IL7: variants seen among roughly 807,000 people sequenced by gnomAD.
IL7 encodes interleukin-7.
Under a neutral mutation model 21.6 loss-of-function variants are expected in IL7, and 3 were observed. The observed-to-expected ratio is 0.14, with a 90% CI of 0.06 to 0.36. IL7 has a LOEUF of 0.36. IL7 is among the 10% of genes least tolerant of loss of function. The pLI is 1.00. For synonymous variants in IL7, 62 were observed against 68.1 expected (o/e 0.91, Z 0.44); for missense variants, 175 against 200.2 (o/e 0.87, Z 0.76).
intron 2 of IL7, among the ~76,000 whole-genome samples, chr8:78,771,957 A>G (rs1812972491): frequency 6.6e-6 from 1 of 152,142 alleles, no homozygotes; most frequent in African/African-American, 2.4e-5. Flanking sequence ...TCTAGCCCCA[A>G]AGAGGAGAGG....
intron 2 of IL7, chr8:78,746,834 T>G (rs1015155510): frequency 5.8e-6 from 2 of 346,896 alleles, no homozygotes; most frequent in Non-Finnish European, 1.1e-5. Flanking sequence ...CAACTAATTG[T>G]CCAAAAATAA....
chr8:78,678,568 A>C (rs1420259001), intron 4 of IL7: 1 of 1,608,902 alleles, frequency 6.2e-7, no homozygotes, highest in Non-Finnish European at 8.5e-7. Flanking sequence ...AACAGAAAAA[A>C]CATGGACCCA....
At chr8:78,779,929 ATTCAAGGATTCAACTTC>A (rs1468529521) in intron 2 of IL7, among the ~76,000 whole-genome samples, 2 of 152,134 alleles carry the variant, frequency 1.3e-5, no homozygotes, top group Admixed American at 1.3e-4. Flanking sequence ...TTATTCGCCT[ATTCAAGGATTCAACTTC>A]TTCCTGGTTC....
chr8:78,764,803 G>A (rs1474020745), intron 2 of IL7, among the ~76,000 whole-genome samples: 1 of 152,110 alleles, frequency 6.6e-6, no homozygotes, highest in Non-Finnish European at 1.5e-5. Flanking sequence ...ATCCCAGGAA[G>A]TTATTTTGTA....
At chr8:78,743,229 A>T (rs959037775) in intron 2 of IL7, among the ~76,000 whole-genome samples, 14 of 152,168 alleles carry the variant, frequency 9.2e-5, no homozygotes, top group African/African-American at 3.4e-4. Context: ...TAACAGAATG[A>T]TTTATATTCC....
chr8:78,730,253 A>ATTAT (rs1339951085), downstream of IL7, among the ~76,000 whole-genome samples: 10 of 151,972 alleles, frequency 6.6e-5, no homozygotes, highest in Non-Finnish European at 8.8e-5. Context: ...CAAACCCCAG[A>ATTAT]TTATTCCCAA....
chr8:78,740,133 T>C, intron 2 of IL7, 51 bp from the exon 3 acceptor site: 3 of 1,023,200 alleles, frequency 2.9e-6, no homozygotes, highest in Non-Finnish European at 4.0e-6. Context: ...ACTTTTCTAA[T>C]ATCTTGTAAT....
At position 78,685,626 on chromosome 8, in the gene IL7, G is replaced by C. The variant is rs983736016; in HGVS notation, n.273+263C>G. Among the ~76,000 whole-genome samples the C allele has an allele frequency of 2.6e-5, 4 of 152,240 alleles. No individual in the cohort carries two copies. The East Asian group carries it at 7.7e-4, about 29-fold the overall frequency. On this transcript the variant is annotated intron_variant and non_coding_transcript_variant, in intron 4 of 4. Coordinates refer to the IL7 transcript ENST00000523959. ...TGAGCAGGAATATAAATAGTCCACAGTAAAGACAATACATTAAATGATTCT... is the reference window on the plus strand; with the variant it reads ...TGAGCAGGAATATAAATAGTCCACACTAAAGACAATACATTAAATGATTCT...
At chr8:78,743,695 A>G (rs906967689) in intron 2 of IL7, among the ~76,000 whole-genome samples, 36 of 152,094 alleles carry the variant, frequency 2.4e-4, no homozygotes, top group African/African-American at 8.7e-4. Context: ...GCTGGAGGAA[A>G]GAGGGCACTC....
intron 3 of IL7, chr8:78,711,946 C>A (rs1163037647): frequency 8.6e-7 from 1 of 1,166,628 alleles, no homozygotes; most frequent in Non-Finnish European, 1.1e-6. Flanking sequence ...TATAAAGAAG[C>A]AGTAGCAATC....
intron 2 of IL7, among the ~76,000 whole-genome samples, chr8:78,759,175 T>C (rs900869943): frequency 6.6e-6 from 1 of 150,904 alleles, no homozygotes; most frequent in Non-Finnish European, 1.5e-5. Flanking sequence ...TATTTTAATT[T>C]CATCCACTGA....
At chr8:78,686,224 A>G (rs1809965639) in intron 3 of IL7, among the ~76,000 whole-genome samples, 1 of 152,152 alleles carries the variant, frequency 6.6e-6, no homozygotes, top group African/African-American at 2.4e-5. Flanking sequence ...TAGATGTAAC[A>G]CCTACAGAAG....
At chr8:78,793,903 T>C (rs1337456488) in intron 2 of IL7, among the ~76,000 whole-genome samples, 1 of 152,154 alleles carries the variant, frequency 6.6e-6, no homozygotes, top group Non-Finnish European at 1.5e-5. Context: ...TTACTCAAAG[T>C]AAAATCATTT....
At position 78,679,414 on chromosome 8, in the gene IL7, C is replaced by G. The variant is rs1033764122; in HGVS notation, n.274-3310G>C. On this transcript the variant is annotated intron_variant and non_coding_transcript_variant, in intron 4 of 4. Transcript: ENST00000523959. ...GCACATCCTCCCATGTGCTTTATGTCTAGATTACTTATAATTTAATGCTAT... is the reference window on the plus strand; with the variant it reads ...GCACATCCTCCCATGTGCTTTATGTGTAGATTACTTATAATTTAATGCTAT... 1.8e-4 allele frequency: 27 copies of G among 152,194 alleles called. No homozygotes were observed. In the East Asian group the frequency reaches 5.0e-3, roughly 28 times the overall value. 9.4% of individuals were successfully genotyped at this position (152,194 alleles called of 1,614,324 possible). A position where few individuals can be genotyped will look rare whatever the true frequency, so the allele number is the denominator to read the frequency against.
At position 78,738,652 on chromosome 8, in the gene IL7, T is replaced by G; in HGVS notation, c.229-17A>C. 1 of 1,609,220 alleles carries G rather than the reference T, an allele frequency of 6.2e-7. No homozygotes were observed. The highest frequency in any genetic ancestry group is 8.5e-7 in the Non-Finnish European group (1 of 1,177,870). On this transcript the variant is annotated splice_polypyrimidine_tract_variant and intron_variant, in intron 3 of 5. Coordinates refer to ENST00000263851, the MANE Select transcript of IL7 (RefSeq NM_000880.4). ...CATACCTTCCTATTATAGGAAAAAG[T>G]CAGAAGGGCCATGGTTCAAATAAAA...
intron 3 of IL7, among the ~76,000 whole-genome samples, chr8:78,721,909 G>T (rs1811245697): frequency 6.6e-6 from 1 of 151,810 alleles, no homozygotes; most frequent in Non-Finnish European, 1.5e-5. Flanking sequence ...TAAAATTGAA[G>T]AAATTGGCCA....
intron 2 of IL7, chr8:78,760,324 T>C: frequency 2.5e-5 from 40 of 1,607,778 alleles, no homozygotes; most frequent in Non-Finnish European, 3.4e-5. Context: ...TTAAGACGCT[T>C]TCATCCATTT....
intron 1 of IL7, among the ~76,000 whole-genome samples, chr8:78,803,467 C>T (rs1449346476): frequency 2.0e-5 from 3 of 152,116 alleles, no homozygotes; most frequent in Non-Finnish European, 4.4e-5. Context: ...ATGGAACAAG[C>T]TTCTAGTGAA....
chr8:78,695,847 T>C (rs1313679852), intron 3 of IL7, among the ~76,000 whole-genome samples: 1 of 152,148 alleles, frequency 6.6e-6, no homozygotes, highest in Non-Finnish European at 1.5e-5. Flanking sequence ...GAATGCTACT[T>C]TTTTTGTGTG....
Sources: gnomAD v4.1 joint callset for allele counts (sites outside exome capture counted in the v4.1 genomes callset) on GRCh38, gnomAD v4.1.1 for gene constraint, MANE v1.5 for transcripts, NCBI Gene and HGNC (gene_info 2026-07-23, HGNC 2026-07-21) for gene names.